AKAP6: variants seen among roughly 807,000 people sequenced by gnomAD.
The protein encoded by AKAP6 is A-kinase anchoring protein 6, also known as A-kinase anchor protein 6.
AKAP6 carries 58 observed loss-of-function variants against 188.5 expected under a neutral mutation model. The observed-to-expected ratio is 0.31, with a 90% CI of 0.25 to 0.38. The LOEUF (loss-of-function observed/expected upper bound fraction) is 0.38. Ranked by LOEUF, AKAP6 falls within the 10% of genes least tolerant of loss-of-function variation. The pLI, the probability that AKAP6 is intolerant of heterozygous loss-of-function variation, is 1.00. For missense variants in AKAP6, 2,710 were observed against 2,740.0 expected, an observed-to-expected ratio of 0.99 and a Z score of 0.24; for synonymous variants, 989 against 998.6, an observed-to-expected ratio of 0.99 and a Z score of 0.18.
chr14:32,824,679 A>G lies in AKAP6; in HGVS notation c.6866A>G (p.Asp2289Gly). 1 of 1,613,962 alleles carries G rather than the reference A, an allele frequency of 6.2e-7. No individual in the cohort carries two copies. Among genetic ancestry groups the G allele is most frequent in the South Asian group, 1.1e-5 (1 of 91,086 alleles). ...TCCTTGAAGGCAAATCAGCCAACAGACAAGGCCGCATTGCATCCCAGCCCC... is the reference window on the plus strand; with the variant it reads ...TCCTTGAAGGCAAATCAGCCAACAGGCAAGGCCGCATTGCATCCCAGCCCC... ...DLSLKANQPT[D>G]KAALHPSPKT... The change falls in exon 13 of 14, where the codon GAC becomes GGC. Residue 2289 changes from aspartate (D) to glycine (G), a missense_variant. Physicochemically the swap from Asp to Gly is moderately conservative, Grantham distance 94. This residue lies in a region of AKAP6 where 2,473 missense variants were observed against 2,426.1 expected (regional missense o/e 1.02). Transcript: ENST00000280979.
At chr14:32,708,218 T>C (rs1439893932) in intron 9 of AKAP6, among the ~76,000 whole-genome samples, 2 of 152,104 alleles carry the variant, frequency 1.3e-5, no homozygotes, top group African/African-American at 2.4e-5. Flanking sequence ...ACTTGTACCA[T>C]AGTTGGCAGG....
At chr14:32,649,366 A>C (rs918076764) in intron 7 of AKAP6, among the ~76,000 whole-genome samples, 2 of 152,158 alleles carry the variant, frequency 1.3e-5, no homozygotes, top group African/African-American at 4.8e-5. Context: ...TAAGGTTAAA[A>C]TCCTTTTAGA....
chr14:32,459,473 A>G (rs1196657312), intron 2 of AKAP6, among the ~76,000 whole-genome samples: 2 of 152,170 alleles, frequency 1.3e-5, no homozygotes, highest in Non-Finnish European at 2.9e-5. Context: ...CATACATAAT[A>G]GAAATCTCAA....
At chr14:32,464,146 G>A (rs1249772927) in intron 2 of AKAP6, among the ~76,000 whole-genome samples, 2 of 152,148 alleles carry the variant, frequency 1.3e-5, no homozygotes, top group Non-Finnish European at 2.9e-5. Flanking sequence ...TGGATACACA[G>A]CCGAATTCTA....
rs980484803 is a variant in AKAP6, at chr14:32,582,750, C to A, written c.2469+5508C>A. The stretch of plus-strand genomic sequence containing the variant: ...TCATTTCATTCATTTCATCTTCCAT[C>A]ACTGATACCCTTTCTTCCAGTTGAT... On this transcript the variant is annotated intron_variant, in intron 5 of 13. Coordinates refer to ENST00000280979, the MANE Select transcript of AKAP6 (RefSeq NM_004274.5). 1.4e-4 allele frequency among the ~76,000 whole-genome samples: 21 copies of A among 152,288 alleles called. No homozygotes were observed. In the East Asian group the frequency reaches 1.7e-3, roughly 13 times the overall value.
At chr14:32,766,517 T>G (rs1460889437) in intron 11 of AKAP6, among the ~76,000 whole-genome samples, 1 of 152,186 alleles carries the variant, frequency 6.6e-6, no homozygotes, top group African/African-American at 2.4e-5. Flanking sequence ...TTAACACTTG[T>G]TATTTCCTTT....
At chr14:32,413,498 T>C (rs1464178114) in intron 1 of AKAP6, among the ~76,000 whole-genome samples, 2 of 152,158 alleles carry the variant, frequency 1.3e-5, no homozygotes, top group Non-Finnish European at 2.9e-5. Context: ...CATTCTTAAA[T>C]CCTTGTGATA....
At chr14:32,345,393 T>TG (rs959945228) in intron 1 of AKAP6, among the ~76,000 whole-genome samples, 4 of 152,186 alleles carry the variant, frequency 2.6e-5, no homozygotes, top group Non-Finnish European at 4.4e-5. Context: ...GCCTTGGAAA[T>TG]GATTACATGA....
chr14:32,782,856 C>A (rs2033293614), intron 12 of AKAP6, among the ~76,000 whole-genome samples: 1 of 151,208 alleles, frequency 6.6e-6, no homozygotes, highest in African/African-American at 2.4e-5. Context: ...TTAATGTAAT[C>A]CCAATGAAAA....
chr14:32,762,792 C>T (rs1195470959), intron 11 of AKAP6, among the ~76,000 whole-genome samples: 1 of 151,908 alleles, frequency 6.6e-6, no homozygotes, highest in East Asian at 1.9e-4. Flanking sequence ...ATTAATAATC[C>T]TGGTTGCCCT....
chr14:32,342,492 A>G (rs1487971331), intron 1 of AKAP6, among the ~76,000 whole-genome samples: 5 of 152,192 alleles, frequency 3.3e-5, no homozygotes, highest in Admixed American at 2.0e-4. Context: ...ATTGTGTGAT[A>G]GATCTAGGTC....
chr14:32,574,154 A>T (rs1020522696), intron 4 of AKAP6, among the ~76,000 whole-genome samples: 4 of 152,206 alleles, frequency 2.6e-5, no homozygotes, highest in Non-Finnish European at 5.9e-5. Flanking sequence ...AGCTTTTATT[A>T]TAAGTTCGGA....
intron 12 of AKAP6, among the ~76,000 whole-genome samples, chr14:32,806,819 G>A (rs2034100100): frequency 6.6e-6 from 1 of 152,212 alleles, no homozygotes; most frequent in Admixed American, 6.5e-5. Context: ...AATCTTTAAA[G>A]GAGTTTAAGA....
At chr14:32,438,440 A>G (rs923713668) in intron 2 of AKAP6, among the ~76,000 whole-genome samples, 1 of 152,088 alleles carries the variant, frequency 6.6e-6, no homozygotes, top group Non-Finnish European at 1.5e-5. Flanking sequence ...TTGATCCTAA[A>G]GTCTGTTTCC....
intron 11 of AKAP6, among the ~76,000 whole-genome samples, chr14:32,742,527 A>T (rs1316261087): frequency 6.6e-6 from 1 of 151,932 alleles, no homozygotes; most frequent in Non-Finnish European, 1.5e-5. Context: ...CCCTCTTAGT[A>T]CTGCTTTTAC....
chr14:32,514,525 CT>C (rs909695259), intron 2 of AKAP6, among the ~76,000 whole-genome samples: 1 of 152,168 alleles, frequency 6.6e-6, no homozygotes, highest in Non-Finnish European at 1.5e-5. Context: ...TCCTTAACTT[CT>C]TTCTCCCAGT....
chr14:32,572,969 C>T (rs1373347579), intron 4 of AKAP6, among the ~76,000 whole-genome samples: 9 of 152,022 alleles, frequency 5.9e-5, no homozygotes, highest in Non-Finnish European at 1.3e-4. Flanking sequence ...AAACAAGGGT[C>T]TACAGACTCT....
At chr14:32,718,486 A>G (rs546040969) in intron 9 of AKAP6, among the ~76,000 whole-genome samples, 26 of 152,276 alleles carry the variant, frequency 1.7e-4, no homozygotes, top group Admixed American at 3.3e-4. Context: ...TAAAAATTAG[A>G]CTTAGCCTTT....
rs754817444 is a variant in AKAP6, at chr14:32,568,898, T to C, written c.2347-8222T>C. ...TTATTTGTACCTATTTTTATTAGAC[T>C]TTGATGATATGCATTCCAATCTTGT... On this transcript the variant is annotated intron_variant, in intron 4 of 13. Coordinates refer to ENST00000280979, the MANE Select transcript of AKAP6 (RefSeq NM_004274.5). The surrounding 1 kb of genome is among the most constrained non-coding windows in gnomAD (Gnocchi z 6.2). Among the ~76,000 whole-genome samples the C allele has an allele frequency of 5.9e-5, 9 of 152,342 alleles. No homozygotes were observed. The South Asian group carries it at 1.7e-3, about 28-fold the overall frequency.
Sources: gnomAD v4.1 joint callset for allele counts (sites outside exome capture counted in the v4.1 genomes callset) on GRCh38, gnomAD v4.1.1 for gene constraint, gnomAD v4.1.1 regional missense constraint, Gnocchi (gnomAD v3.1) non-coding constraint, MANE v1.5 for transcripts, NCBI Gene and HGNC (gene_info 2026-07-23, HGNC 2026-07-21) for gene names.